Variants in PTAR1 observed in about 807,000 individuals in gnomAD.
PTAR1 encodes the protein protein prenyltransferase alpha subunit repeat containing 1.
PTAR1 carries 17 observed loss-of-function variants against 45.5 expected under a neutral mutation model. That is an observed-to-expected ratio of 0.37 (90% confidence interval 0.26 to 0.56). The LOEUF (loss-of-function observed/expected upper bound fraction) is 0.56, where lower values mean the gene tolerates loss of function less well. PTAR1 is among the 20% of genes least tolerant of loss of function. The probability of loss-of-function intolerance (pLI) is 0.77; values close to 1 mark genes in which losing one functional copy is unlikely to be tolerated. For synonymous variants in PTAR1, 169 were observed against 171.3 expected, an observed-to-expected ratio of 0.99 and a Z score of 0.11; for missense variants, 391 against 476.3, an observed-to-expected ratio of 0.82 and a Z score of 1.67.
At chr9:69,751,071 A>G in intron 1 of PTAR1, 121 bp from the exon 2 acceptor site, 1 of 720,064 alleles carries the variant, frequency 1.4e-6, no homozygotes, top group Non-Finnish European at 2.2e-6. Flanking sequence ...AATATTATTT[A>G]GCTCACTTAC....
intron 5 of PTAR1, among the ~76,000 whole-genome samples, chr9:69,726,209 C>G (rs1295966169): frequency 6.6e-6 from 1 of 152,076 alleles, no homozygotes; most frequent in Non-Finnish European, 1.5e-5. Context: ...TTGTAACATT[C>G]TGGCAGAAAA....
rs145607931 is a variant in PTAR1 at position 69,718,030 on chromosome 9, G to A, written c.*312C>T. 701 of 218,120 alleles carry A rather than the reference G, an allele frequency of 3.2e-3. 7 individuals are homozygous for A. The highest frequency in any genetic ancestry group is 0.015 in the African/African-American group (658 of 43,894). The allele number at this position is 218,120 out of a possible 1,614,324, so 13.5% of individuals were successfully genotyped here. A position where few individuals can be genotyped will look rare whatever the true frequency, so the allele number is the denominator to read the frequency against. On this transcript the variant is annotated 3_prime_UTR_variant, in exon 8 of 8. Transcript: ENST00000340434. ...AGCAATTGGACTGAGGGGGGTAGAG[G>A]TGTGTGTGTGTGAACCAATCAGGAA...
chr9:69,741,965 T>A (rs1470381311), intron 2 of PTAR1, 107 bp from the exon 3 acceptor site: 12 of 680,064 alleles, frequency 1.8e-5, no homozygotes, highest in African/African-American at 3.6e-5. Flanking sequence ...TACTAATATA[T>A]CTCTCATGTC....
intron 6 of PTAR1, among the ~76,000 whole-genome samples, chr9:69,721,233 G>A (rs953358836): frequency 4.6e-5 from 7 of 152,156 alleles, no homozygotes; most frequent in African/African-American, 1.7e-4. Context: ...CAACCCTCAT[G>A]GATGACTTTG....
rs1301067734 is a variant in PTAR1 at position 69,723,253 on chromosome 9, G to GT, written c.947+72dup. 4 of 1,301,710 alleles carry GT rather than the reference G, an allele frequency of 3.1e-6. No individual in the cohort carries two copies. In the East Asian group the frequency reaches 9.2e-5, roughly 30 times the overall value. The allele number at this position is 1,301,710 out of a possible 1,614,324, so 80.6% of individuals were successfully genotyped here. A position where few individuals can be genotyped will look rare whatever the true frequency, so the allele number is the denominator to read the frequency against. Reference sequence around the variant, plus strand: ...TTACCCAAGCAGGCAGGAATCAGGTGTAACTAACACTTTCTGCAGCTCTCA... The same window carrying GT: ...TTACCCAAGCAGGCAGGAATCAGGTGTTAACTAACACTTTCTGCAGCTCTCA... On this transcript the variant is annotated intron_variant, in intron 6 of 7. Coordinates refer to ENST00000340434, the MANE Select transcript of PTAR1 (RefSeq NM_001099666.2).
intron 4 of PTAR1, among the ~76,000 whole-genome samples, chr9:69,733,629 T>A (rs753453613): frequency 6.6e-6 from 1 of 152,186 alleles, no homozygotes; most frequent in South Asian, 2.1e-4. Flanking sequence ...TTTTAGCAAC[T>A]TTAGCTCAGC....
chr9:69,734,069 C>G, intron 4 of PTAR1, 81 bp downstream of exon 4: 1 of 801,230 alleles, frequency 1.2e-6, no homozygotes. Flanking sequence ...CAATAAGTAA[C>G]CTTGCCTCTC....
intron 3 of PTAR1, among the ~76,000 whole-genome samples, 186 bp from the exon 4 acceptor site, chr9:69,734,440 G>T (rs1268870961): frequency 6.6e-6 from 1 of 152,010 alleles, no homozygotes; most frequent in East Asian, 1.9e-4. Flanking sequence ...GTGACATGCA[G>T]TAATCAAGAA....
chr9:69,745,479 T>A (rs956760976), intron 2 of PTAR1, among the ~76,000 whole-genome samples: 1 of 152,204 alleles, frequency 6.6e-6, no homozygotes, highest in African/African-American at 2.4e-5. Context: ...CCTCCCTCCA[T>A]CACAAGTGAA....
intron 1 of PTAR1, 114 bp from the exon 2 acceptor site, chr9:69,751,064 A>AT: frequency 1.3e-6 from 1 of 750,410 alleles, no homozygotes; most frequent in Non-Finnish European, 2.1e-6. Context: ...CCTTACAAAT[A>AT]TTATTTAGCT....
chr9:69,728,237 T>C (rs1354036526), intron 5 of PTAR1, among the ~76,000 whole-genome samples: 1 of 152,192 alleles, frequency 6.6e-6, no homozygotes, highest in Non-Finnish European at 1.5e-5. Flanking sequence ...TGGCTATTAA[T>C]GTTCTCATAC....
intron 3 of PTAR1, 91 bp downstream of exon 3, chr9:69,741,701 A>G (rs1424869200): frequency 1.2e-6 from 1 of 802,836 alleles, no homozygotes; most frequent in Non-Finnish European, 2.1e-6. Context: ...AATGGTTTAT[A>G]TTTCGTTTTC....
intron 1 of PTAR1, chr9:69,757,985 TCATTA>T (rs1320633303): frequency 6.6e-6 from 1 of 152,226 alleles, no homozygotes; most frequent in African/African-American, 2.4e-5. Context: ...ATATTACAAA[TCATTA>T]CATTATTCCG....
intron 2 of PTAR1, among the ~76,000 whole-genome samples, chr9:69,747,899 C>T (rs1055149663): frequency 1.3e-5 from 2 of 152,154 alleles, no homozygotes; most frequent in Non-Finnish European, 2.9e-5. Context: ...TGTGAAGGCC[C>T]TTGAATACCA....
At position 69,723,529 on chromosome 9, in the gene PTAR1, A is replaced by C. The variant is rs756185228; in HGVS notation, c.744T>G (p.Ile248Met). The change falls in exon 6 of 8, where the codon ATT (isoleucine) becomes ATG (methionine). Residue 248 changes from isoleucine (I) to methionine (M), a missense_variant. By Grantham distance (10) the Ile-to-Met change is conservative. Coordinates refer to ENST00000340434, the MANE Select transcript of PTAR1 (RefSeq NM_001099666.2). Reference protein sequence around the residue: ...HYRQFLLKSLISQTVIDSSVM... With the variant: ...HYRQFLLKSLMSQTVIDSSVM... ...CAGAACTGTCTATCACAGTTTGGCT[A>C]ATCAAAGACTTAAGCAAAAACTGGC... 18 of 1,613,802 alleles carry C rather than the reference A, an allele frequency of 1.1e-5. No homozygotes were observed. Among genetic ancestry groups the C allele is most frequent in the Non-Finnish European group, 1.2e-5 (14 of 1,179,830 alleles).
Position 69,715,724 on chromosome 9 carries a change from T to A in PTAR1, c.*2618A>T, listed in dbSNP as rs1824703498. 1 of 152,128 alleles carries A rather than the reference T, an allele frequency of 6.6e-6. No homozygotes were observed. The highest frequency in any genetic ancestry group is 1.5e-5 in the Non-Finnish European group (1 of 67,998). The allele number at this position is 152,128 out of a possible 1,614,324, so 9.4% of individuals were successfully genotyped here. A position where few individuals can be genotyped will look rare whatever the true frequency, so the allele number is the denominator to read the frequency against. On this transcript the variant is annotated 3_prime_UTR_variant, in exon 8 of 8. Coordinates refer to ENST00000340434, the MANE Select transcript of PTAR1 (RefSeq NM_001099666.2). Reference sequence around the variant, plus strand: ...TACATAAGCTCAGTCAAAGACATTATCATGCTACAGCTAGCGGGTTTAAAT... The same window carrying A: ...TACATAAGCTCAGTCAAAGACATTAACATGCTACAGCTAGCGGGTTTAAAT...
At chr9:69,756,809 G>A (rs888844768) in intron 1 of PTAR1, among the ~76,000 whole-genome samples, 3 of 152,124 alleles carry the variant, frequency 2.0e-5, no homozygotes, top group Non-Finnish European at 2.9e-5. Context: ...TACTTTGGAG[G>A]GTTAATTTAC....
chr9:69,727,749 T>A (rs1360281639), intron 5 of PTAR1, among the ~76,000 whole-genome samples: 1 of 152,216 alleles, frequency 6.6e-6, no homozygotes, highest in Non-Finnish European at 1.5e-5. Flanking sequence ...AATAAACATG[T>A]AAGTATCTAA....
chr9:69,744,964 C>T (rs1826212944), intron 2 of PTAR1, among the ~76,000 whole-genome samples: 1 of 152,154 alleles, frequency 6.6e-6, no homozygotes, highest in Non-Finnish European at 1.5e-5. Context: ...GTTTGAATCC[C>T]AGCTTCTCCA....
Sources: gnomAD v4.1 joint callset for allele counts (sites outside exome capture counted in the v4.1 genomes callset) on GRCh38, gnomAD v4.1.1 for gene constraint, MANE v1.5 for transcripts, NCBI Gene and HGNC (gene_info 2026-07-23, HGNC 2026-07-21) for gene names.